The following INTS6L variants were observed in gnomAD, a reference collection of about 807,000 sequenced individuals.
INTS6L encodes integrator complex subunit 6-like.
Under a neutral mutation model 64.7 loss-of-function variants are expected in INTS6L, and 18 were observed. The observed-to-expected ratio is 0.28, with a 90% CI of 0.19 to 0.41. The LOEUF (loss-of-function observed/expected upper bound fraction) is 0.41. Ranked by LOEUF, INTS6L falls within the 10% of genes least tolerant of loss-of-function variation. The pLI, the probability that INTS6L is intolerant of heterozygous loss-of-function variation, is 1.00. For missense variants in INTS6L, 533 were observed against 661.0 expected (o/e 0.81, Z 2.12); for synonymous variants, 227 against 235.9 (o/e 0.96, Z 0.34).
Position 135,577,312 on chromosome X carries a change from G to C in INTS6L, c.2004G>C (p.Leu668Phe). ...SKRRRSMSLL[L>F]RKPQTPPTVT... ...GAAGGCGGAGTATGTCCCTGCTGTT[G>C]AGGAAACCACAAACACCACCTACTG... is the stretch of plus-strand genomic sequence containing the variant. Residue 668 changes from leucine (L) to phenylalanine (F), a missense_variant, in exon 15 of 18, where the codon TTG (leucine) becomes TTC (phenylalanine). Transcript: ENST00000639893. 1 of 1,211,573 alleles carries C rather than the reference G, an allele frequency of 8.3e-7. No homozygotes were observed. Among genetic ancestry groups the C allele is most frequent in the Non-Finnish European group, 1.1e-6 (1 of 895,463 alleles).
chrX:135,557,133 C>T (rs2086666015), intron 9 of INTS6L, among the ~76,000 whole-genome samples: 1 of 111,583 alleles, frequency 9.0e-6, no homozygotes, highest in Admixed American at 9.5e-5. Context: ...AACCTATCTA[C>T]TTTATTTCTT....
chrX:135,577,120 T>C (rs2087250406), intron 14 of INTS6L, 73 bp from the exon 15 acceptor site: 1 of 974,127 alleles, frequency 1.0e-6, no homozygotes, highest in African/African-American at 1.9e-5. Flanking sequence ...GTATGCATAT[T>C]AAGAGTGCTT....
Position 135,521,026 on chromosome X carries a change from G to A in INTS6L, c.34G>A (p.Ala12Thr), listed in dbSNP as rs782163062. ...PILLFLIDTSASMNQRTDLGT... is the reference protein window; with the variant it reads ...PILLFLIDTSTSMNQRTDLGT... ...CCTGCTGTTCCTCATAGACACGTCC[G>A]CCTCTATGAACCAGCGCACTGACCT... Residue 12 changes from alanine (A) to threonine (T), a missense_variant, in exon 1 of 18, where the codon GCC becomes ACC. By Grantham distance (58) the Ala-to-Thr change is moderately conservative. Transcript: ENST00000639893. 68 of 1,209,654 alleles carry A rather than the reference G, an allele frequency of 5.6e-5. No homozygotes were observed. The highest frequency in any genetic ancestry group is 7.4e-5 in the Non-Finnish European group (66 of 895,026).
At chrX:135,540,009 T>A (rs2086162283) in intron 2 of INTS6L, among the ~76,000 whole-genome samples, 1 of 112,115 alleles carries the variant, frequency 8.9e-6, no homozygotes, top group Admixed American at 9.4e-5. Flanking sequence ...ATTACCAAAA[T>A]GTAACAGAGA....
intron 7 of INTS6L, among the ~76,000 whole-genome samples, chrX:135,551,460 A>G (rs1225028726): frequency 3.6e-5 from 4 of 112,443 alleles, no homozygotes; most frequent in African/African-American, 6.5e-5. Flanking sequence ...GGGCCCTGGC[A>G]TTGTGACTAG....
chrX:135,549,391 G>A (rs1293703364), intron 6 of INTS6L, among the ~76,000 whole-genome samples: 1 of 112,318 alleles, frequency 8.9e-6, no homozygotes, highest in East Asian at 2.8e-4. Context: ...CTGCATAACT[G>A]CATATTCTCT....
At position 135,547,245 on chromosome X, in the gene INTS6L, A is replaced by T. The variant is rs781851459; in HGVS notation, c.722A>T (p.Asp241Val). The T allele has an allele frequency of 8.3e-7, 1 of 1,207,341 alleles. No individual in the cohort carries two copies. The highest frequency in any genetic ancestry group is 1.8e-5 in the South Asian group (1 of 56,247). ...VVINFEKTGP[D>V]PLPIGEDGLM... ...ATTAATTTTGAAAAAACAGGACCAG[A>T]TCCACTTCCTATTGGAGAAGGTATA... Residue 241 changes from aspartate (D) to valine (V), a missense_variant, in exon 6 of 18, where the codon GAT (aspartate) becomes GTT (valine). Transcript: ENST00000639893.
intron 9 of INTS6L, among the ~76,000 whole-genome samples, chrX:135,558,542 G>A (rs1556520469): frequency 9.0e-6 from 1 of 111,557 alleles, no homozygotes; most frequent in Non-Finnish European, 1.9e-5. Context: ...GACAAATATT[G>A]TATGATTCCA....
At chrX:135,572,560 T>C in intron 11 of INTS6L, 1 of 268,817 alleles carries the variant, frequency 3.7e-6, no homozygotes, top group East Asian at 6.4e-5. Context: ...TTATTCATGG[T>C]TTTTATTCTC....
At position 135,546,480 on chromosome X, in the gene INTS6L, A is replaced by ATT; in HGVS notation, c.429+20_429+21dup. 9.2e-7 allele frequency: 1 copy of ATT among 1,087,682 alleles called. No individual in the cohort carries two copies. The highest frequency in any genetic ancestry group is 3.2e-5 in the East Asian group (1 of 31,078). 89.6% of individuals were successfully genotyped at this position (1,087,682 alleles called of 1,213,427 possible). A position where few individuals can be genotyped will look rare whatever the true frequency, so the allele number is the denominator to read the frequency against. On this transcript the variant is annotated intron_variant, in intron 4 of 17. Coordinates refer to ENST00000639893, the MANE Select transcript of INTS6L (RefSeq NM_001351601.3). ...GGTGTTCAAGAAGAGGTGAGATTTTATTTTTTTTTTAATTTTGTTTAAATG... is the reference window on the plus strand; with the variant it reads ...GGTGTTCAAGAAGAGGTGAGATTTTATTTTTTTTTTTTAATTTTGTTTAAATG...
At chrX:135,549,192 G>A (rs1556516233) in intron 6 of INTS6L, among the ~76,000 whole-genome samples, 1 of 112,333 alleles carries the variant, frequency 8.9e-6, no homozygotes, top group Non-Finnish European at 1.9e-5. Flanking sequence ...GAAATAGAAA[G>A]AATATATAAA....
chrX:135,548,081 CATT>C (rs1556515793), intron 6 of INTS6L, among the ~76,000 whole-genome samples: 3 of 108,599 alleles, frequency 2.8e-5, no homozygotes, highest in Non-Finnish European at 5.7e-5. Context: ...ACACACACTC[CATT>C]ATTATTACCA....
intron 2 of INTS6L, among the ~76,000 whole-genome samples, chrX:135,525,231 A>G (rs2085700486): frequency 8.9e-6 from 1 of 112,308 alleles, no homozygotes; most frequent in Non-Finnish European, 1.9e-5. Flanking sequence ...GCTTGTCACT[A>G]CTATTACTTT....
At chrX:135,537,764 A>G (rs2086094592) in intron 2 of INTS6L, among the ~76,000 whole-genome samples, 1 of 112,474 alleles carries the variant, frequency 8.9e-6, no homozygotes. Flanking sequence ...TAGGCTTACC[A>G]TGAAGATAGT....
At chrX:135,548,680 C>T (rs1451939194) in intron 6 of INTS6L, among the ~76,000 whole-genome samples, 5 of 110,787 alleles carry the variant, frequency 4.5e-5, no homozygotes, top group African/African-American at 1.6e-4. Context: ...GGGGGATCCT[C>T]CAAAGCCATT....
intron 9 of INTS6L, among the ~76,000 whole-genome samples, chrX:135,567,158 A>C (rs1199916474): frequency 8.9e-6 from 1 of 112,127 alleles, no homozygotes; most frequent in Admixed American, 9.5e-5. Flanking sequence ...CACTGAGCTA[A>C]GGATGTGGCT....
At chrX:135,538,166 A>G (rs1556510106) in intron 2 of INTS6L, among the ~76,000 whole-genome samples, 2 of 112,322 alleles carry the variant, frequency 1.8e-5, no homozygotes, top group Non-Finnish European at 3.8e-5. Flanking sequence ...CTTTTTGATA[A>G]CATTTTACCC....
chrX:135,558,700 A>G (rs144339252), intron 9 of INTS6L, among the ~76,000 whole-genome samples: 3,011 of 111,599 alleles, frequency 0.027, 37 homozygotes, highest in Non-Finnish European at 0.038. Context: ...ATATGCATAC[A>G]GTTAACACTA....
rs1556517215 is a variant in INTS6L at position 135,552,043 on chromosome X, A to G, written c.956A>G (p.Glu319Gly). The G allele has an allele frequency of 1.7e-6, 2 of 1,195,708 alleles. No homozygotes were observed. Among genetic ancestry groups the G allele is most frequent in the Admixed American group, 4.5e-5 (2 of 44,457 alleles). Residue 319 changes from glutamate (E) to glycine (G), a missense_variant, in exon 8 of 18, where the codon GAG becomes GGG. Glu to Gly is a moderately conservative substitution (Grantham distance 98). Transcript: ENST00000639893. ...PVVRFSCVDCEPMVIDKLPFD... is the reference protein window; with the variant it reads ...PVVRFSCVDCGPMVIDKLPFD... ...GTGAGGTTCTCCTGTGTAGATTGTG[A>G]GCCAATGGTAATAGACAAACTTCCT...
Sources: allele counts gnomAD v4.1 joint callset (sites outside exome capture counted in the v4.1 genomes callset), GRCh38; gene constraint gnomAD v4.1.1; transcripts MANE v1.5; gene names NCBI Gene and HGNC (gene_info 2026-07-23, HGNC 2026-07-21).